MDGA2: variants seen among roughly 807,000 people sequenced by gnomAD.
The protein encoded by MDGA2 is MAM domain containing glycosylphosphatidylinositol anchor 2, also known as MAM domain-containing glycosylphosphatidylinositol anchor protein 2.
In MDGA2, 40 loss-of-function variants were observed where a neutral mutation model predicts 117.8. That is an observed-to-expected ratio of 0.34 (90% CI 0.26 to 0.44). The LOEUF (loss-of-function observed/expected upper bound fraction) is 0.44, where lower values mean the gene tolerates loss of function less well. Ranked by LOEUF, MDGA2 falls within the 20% of genes least tolerant of loss-of-function variation. The pLI is 1.00. For synonymous variants in MDGA2, 452 were observed against 439.0 expected, an observed-to-expected ratio of 1.03 and a Z score of -0.37; for missense variants, 1,123 against 1,250.6, an observed-to-expected ratio of 0.90 and a Z score of 1.54.
chr14:47,308,158 G>A (rs550810644), intron 1 of MDGA2, among the ~76,000 whole-genome samples: 1 of 152,238 alleles, frequency 6.6e-6, no homozygotes, highest in Middle Eastern at 3.4e-3. Flanking sequence ...GAGAATTGGA[G>A]TCAAAAGATG....
At chr14:47,108,430 C>T (rs1312215502) in intron 5 of MDGA2, among the ~76,000 whole-genome samples, 1 of 152,192 alleles carries the variant, frequency 6.6e-6, no homozygotes, top group Non-Finnish European at 1.5e-5. Context: ...CCTTGCCCCA[C>T]CTTAACTGAT....
chr14:47,566,417 A>G (rs1014705933), intron 1 of MDGA2, among the ~76,000 whole-genome samples: 1 of 152,190 alleles, frequency 6.6e-6, no homozygotes, highest in Non-Finnish European at 1.5e-5. Context: ...TGGTCTCTTC[A>G]GGTCTGACAG....
chr14:47,061,653 T>C, intron 6 of MDGA2, 75 bp from the exon 7 acceptor site: 1 of 1,183,170 alleles, frequency 8.5e-7, no homozygotes, highest in South Asian at 1.6e-5. Context: ...TAGATAATCA[T>C]CTCTGAGCTG....
intron 9 of MDGA2, among the ~76,000 whole-genome samples, chr14:46,928,334 G>A (rs758239314): frequency 1.3e-5 from 2 of 152,036 alleles, no homozygotes; most frequent in Non-Finnish European, 2.9e-5. Flanking sequence ...CATATACCAA[G>A]TGAAACTGGG....
intron 6 of MDGA2, among the ~76,000 whole-genome samples, chr14:47,064,752 G>A (rs1157377136): frequency 6.6e-6 from 1 of 152,070 alleles, no homozygotes; most frequent in Non-Finnish European, 1.5e-5. Flanking sequence ...AGTGTTTGAT[G>A]TAGTTAATCA....
At chr14:47,419,489 C>T (rs1168335428) in intron 1 of MDGA2, among the ~76,000 whole-genome samples, 2 of 152,020 alleles carry the variant, frequency 1.3e-5, no homozygotes, top group Non-Finnish European at 2.9e-5. Context: ...TTACAGTAGC[C>T]TTCCTTTACA....
intron 5 of MDGA2, among the ~76,000 whole-genome samples, chr14:47,127,005 T>C (rs189726150): frequency 2.0e-5 from 3 of 152,274 alleles, no homozygotes; most frequent in East Asian, 1.9e-4. Context: ...CAAAAGTACA[T>C]TGATTAGCCA....
intron 1 of MDGA2, among the ~76,000 whole-genome samples, chr14:47,337,494 A>C (rs1443338280): frequency 1.3e-5 from 2 of 152,124 alleles, no homozygotes; most frequent in Admixed American, 6.6e-5. Flanking sequence ...CAATTGAATT[A>C]AAAGAGAAAA....
chr14:47,371,537 G>C (rs1189714903), intron 1 of MDGA2, among the ~76,000 whole-genome samples: 1 of 151,738 alleles, frequency 6.6e-6, no homozygotes, highest in Non-Finnish European at 1.5e-5. Flanking sequence ...GGGAAGCACA[G>C]AACCAGTTAA....
chr14:46,956,692 A>G (rs1011930333), intron 9 of MDGA2, among the ~76,000 whole-genome samples: 2 of 152,156 alleles, frequency 1.3e-5, no homozygotes, highest in Non-Finnish European at 2.9e-5. Flanking sequence ...AAGCCAGCCA[A>G]CACTACAGTA....
intron 9 of MDGA2, among the ~76,000 whole-genome samples, chr14:46,952,434 C>A (rs559759371): frequency 7.9e-5 from 12 of 152,000 alleles, no homozygotes; most frequent in Non-Finnish European, 1.8e-4. Context: ...ACAGAACCAT[C>A]GTGTTACTTT....
At chr14:47,419,092 C>T (rs1201879206) in intron 1 of MDGA2, among the ~76,000 whole-genome samples, 2 of 152,132 alleles carry the variant, frequency 1.3e-5, no homozygotes, top group South Asian at 4.1e-4. Flanking sequence ...TCACTTCACA[C>T]TGTTATATCA....
At chr14:47,218,709 C>T (rs1443997383) in intron 2 of MDGA2, among the ~76,000 whole-genome samples, 2 of 151,906 alleles carry the variant, frequency 1.3e-5, no homozygotes, top group East Asian at 3.9e-4. Flanking sequence ...ATTTTAAACA[C>T]CTGGTTGTTT....
At chr14:47,374,400 T>C (rs886793385) in intron 1 of MDGA2, among the ~76,000 whole-genome samples, 1 of 152,116 alleles carries the variant, frequency 6.6e-6, no homozygotes, top group Admixed American at 6.6e-5. Context: ...CTGTTCTATA[T>C]AAGCAAGATT....
chr14:46,946,409 T>G lies in MDGA2; in HGVS notation c.2089+10965A>C, dbSNP rs1387258038. 5.3e-5 allele frequency among the ~76,000 whole-genome samples: 8 copies of G among 152,166 alleles called. No homozygotes were observed. In the South Asian group the frequency reaches 1.5e-3, roughly 28 times the overall value. ...ATGTGCCTGCAAAAAAAAAATGACC[T>G]TTTCAAAGGTTTCTGTACTTTGAAA... On this transcript the variant is annotated intron_variant, in intron 9 of 16. Coordinates refer to ENST00000399232, the MANE Select transcript of MDGA2 (RefSeq NM_001113498.3).
At chr14:47,491,767 G>T (rs545679415) in intron 1 of MDGA2, among the ~76,000 whole-genome samples, 2 of 150,786 alleles carry the variant, frequency 1.3e-5, no homozygotes, top group South Asian at 4.2e-4. Context: ...GTTATTTTAC[G>T]TGTACGCCAC....
chr14:47,648,571 C>T (rs1897579556), intron 1 of MDGA2, among the ~76,000 whole-genome samples: 1 of 151,940 alleles, frequency 6.6e-6, no homozygotes, highest in African/African-American at 2.4e-5. Context: ...CCATAAGGCA[C>T]TGAAAGATAA....
At chr14:47,669,912 C>A (rs759441122) in intron 1 of MDGA2, among the ~76,000 whole-genome samples, 7 of 152,068 alleles carry the variant, frequency 4.6e-5, no homozygotes, top group Non-Finnish European at 1.0e-4. Flanking sequence ...AGAATGGCAA[C>A]ATCCTGAGAC....
rs1355446718 is a variant in MDGA2 at position 47,606,487 on chromosome 14, CAT to C, written c.280+68028_280+68029del. On this transcript the variant is annotated intron_variant, in intron 1 of 16. Coordinates refer to ENST00000399232, the MANE Select transcript of MDGA2 (RefSeq NM_001113498.3). Reference sequence around the variant, plus strand: ...TTAAATGTATTTATTATATTTATCACATGTCAGAACATGAGATACCTGCACTT... The same window carrying C: ...TTAAATGTATTTATTATATTTATCACGTCAGAACATGAGATACCTGCACTT... Among the ~76,000 whole-genome samples the C allele has an allele frequency of 9.9e-5, 15 of 152,254 alleles. No individual in the cohort carries two copies. The South Asian group carries it at 2.1e-3, about 21-fold the overall frequency.
Sources: gnomAD v4.1 joint callset for allele counts (sites outside exome capture counted in the v4.1 genomes callset) on GRCh38, gnomAD v4.1.1 for gene constraint, MANE v1.5 for transcripts, NCBI Gene and HGNC (gene_info 2026-07-23, HGNC 2026-07-21) for gene names.